Variants in SP4 observed in about 807,000 individuals in gnomAD.
SP4 encodes the protein Sp4 transcription factor.
In SP4, 19 loss-of-function variants were observed where a neutral mutation model predicts 72.8. The ratio of observed to expected loss-of-function variants is 0.26; its 90% CI spans 0.18 to 0.38. The LOEUF is 0.38. Ranked by LOEUF, SP4 falls within the 10% of genes least tolerant of loss-of-function variation. The pLI is 1.00. For synonymous variants in SP4, 395 were observed against 333.1 expected (o/e 1.19, Z -2.02); for missense variants, 1,008 against 926.3 (o/e 1.09, Z -1.14).
intron 5 of SP4, chr7:21,482,838 A>G (rs1486059330): frequency 1.0e-5 from 8 of 775,554 alleles, no homozygotes; most frequent in South Asian, 5.8e-5. Context: ...GTATATTTGC[A>G]TATATGAATT....
Position 21,428,192 on chromosome 7 carries a change from C to CCCCCCCCCCCCCCCCCCCT in SP4, c.-59_-58insCCCCCCCCCCCCCCCCCTC. ...ACCGGCCTCTCCTCCCGCCTCGCCC[C>CCCCCCCCCCCCCCCCCCCT]CACCCCCACCCACCTCTATCCCAGT... On this transcript the variant is annotated 5_prime_UTR_variant, in exon 1 of 6. Transcript: ENST00000222584. 1.3e-6 allele frequency: 1 copy of CCCCCCCCCCCCCCCCCCCT among 790,568 alleles called. No individual in the cohort carries two copies. The highest frequency in any genetic ancestry group is 2.0e-6 in the Non-Finnish European group (1 of 489,278). The allele number at this position is 790,568 out of a possible 1,614,324, so 49.0% of individuals were successfully genotyped here. A position where few individuals can be genotyped will look rare whatever the true frequency, so the allele number is the denominator to read the frequency against.
At chr7:21,471,302 T>G (rs1305876650) in intron 3 of SP4, among the ~76,000 whole-genome samples, 1 of 152,098 alleles carries the variant, frequency 6.6e-6, no homozygotes, top group Non-Finnish European at 1.5e-5. Flanking sequence ...GCAAAACTGG[T>G]GATAAGGGCT....
intron 5 of SP4, among the ~76,000 whole-genome samples, chr7:21,493,998 T>A (rs1182422460): frequency 6.6e-6 from 1 of 152,150 alleles, no homozygotes; most frequent in Non-Finnish European, 1.5e-5. Flanking sequence ...TTTGAATATT[T>A]GAAAAAGTCA....
intron 5 of SP4, among the ~76,000 whole-genome samples, chr7:21,488,270 G>A (rs1351168185): frequency 6.6e-6 from 1 of 152,016 alleles, no homozygotes; most frequent in Non-Finnish European, 1.5e-5. Context: ...GTTTTTTTAA[G>A]ATACAAATCT....
rs2128418354 is a variant in SP4, at chr7:21,512,641, A to G, written c.*1372A>G. ...CAATGGCACGATCTCAGCTTACTGC[A>G]ACCGCCGCCTCCCAGGTTCAAGCGA... On this transcript the variant is annotated 3_prime_UTR_variant, in exon 6 of 6. Transcript: ENST00000222584. 6.7e-6 allele frequency: 1 copy of G among 149,648 alleles called. No individual in the cohort carries two copies. The highest frequency in any genetic ancestry group is 2.5e-5 in the African/African-American group (1 of 40,554). The allele number at this position is 149,648 out of a possible 1,614,324, so 9.3% of individuals were successfully genotyped here.
At chr7:21,497,186 CAG>C (rs1781732887) in intron 5 of SP4, among the ~76,000 whole-genome samples, 1 of 152,210 alleles carries the variant, frequency 6.6e-6, no homozygotes, top group African/African-American at 2.4e-5. Flanking sequence ...GGCTACTTCA[CAG>C]AGTCAGATTA....
chr7:21,464,339 G>T (rs919777374), intron 3 of SP4, among the ~76,000 whole-genome samples: 1 of 151,704 alleles, frequency 6.6e-6, no homozygotes, highest in Non-Finnish European at 1.5e-5. Context: ...CTCATGATCC[G>T]CCCACCTCGG....
At chr7:21,501,822 G>T (rs569005907) in intron 5 of SP4, among the ~76,000 whole-genome samples, 6 of 152,166 alleles carry the variant, frequency 3.9e-5, no homozygotes, top group Non-Finnish European at 8.8e-5. Context: ...TTTTCTGCTA[G>T]TATCATGTCT....
At chr7:21,434,507 A>T (rs1782982172) in intron 3 of SP4, among the ~76,000 whole-genome samples, 1 of 152,222 alleles carries the variant, frequency 6.6e-6, no homozygotes, top group African/African-American at 2.4e-5. Context: ...CTTCATGCTA[A>T]GCATTAGTTA....
intron 5 of SP4, among the ~76,000 whole-genome samples, chr7:21,491,527 A>C (rs1168199117): frequency 6.6e-6 from 1 of 152,180 alleles, no homozygotes; most frequent in Non-Finnish European, 1.5e-5. Context: ...GGGACTTCCC[A>C]TGTTAGGTAT....
intron 3 of SP4, among the ~76,000 whole-genome samples, chr7:21,436,541 C>G (rs999490145): frequency 6.6e-6 from 1 of 152,016 alleles, no homozygotes; most frequent in Non-Finnish European, 1.5e-5. Context: ...AAATATGGGT[C>G]GAAGATTCTG....
chr7:21,478,721 A>G (rs1784589079), intron 4 of SP4, among the ~76,000 whole-genome samples: 1 of 152,110 alleles, frequency 6.6e-6, no homozygotes, highest in African/African-American at 2.4e-5. Flanking sequence ...TCATTATGGA[A>G]TTGTCTCTTT....
intron 5 of SP4, among the ~76,000 whole-genome samples, chr7:21,489,662 C>G (rs888573467): frequency 6.6e-6 from 1 of 150,386 alleles, no homozygotes; most frequent in Admixed American, 6.7e-5. Context: ...TGGGTTCATG[C>G]CATTCTCCTG....
intron 5 of SP4, among the ~76,000 whole-genome samples, chr7:21,490,383 G>A (rs1048105199): frequency 6.6e-6 from 1 of 152,162 alleles, no homozygotes; most frequent in Non-Finnish European, 1.5e-5. Flanking sequence ...TGAAATAGTA[G>A]CAGCTTAGGC....
intron 3 of SP4, among the ~76,000 whole-genome samples, chr7:21,461,462 C>T (rs1034420762): frequency 7.2e-5 from 11 of 152,320 alleles, no homozygotes; most frequent in East Asian, 1.9e-4. Context: ...GCGCATCCTC[C>T]GCAGCTGCTG....
chr7:21,472,156 G>C (rs1784363730), intron 3 of SP4, among the ~76,000 whole-genome samples: 1 of 152,154 alleles, frequency 6.6e-6, no homozygotes, highest in African/African-American at 2.4e-5. Flanking sequence ...GAGTTAATCA[G>C]CTTACACATA....
chr7:21,492,386 C>G (rs1785002204), intron 5 of SP4, among the ~76,000 whole-genome samples: 1 of 152,164 alleles, frequency 6.6e-6, no homozygotes, highest in Non-Finnish European at 1.5e-5. Context: ...CTCTAATTCA[C>G]AGCGCTCCAA....
At chr7:21,464,039 A>T (rs1784082993) in intron 3 of SP4, among the ~76,000 whole-genome samples, 1 of 151,660 alleles carries the variant, frequency 6.6e-6, no homozygotes, top group Middle Eastern at 3.4e-3. Context: ...CACAGAAAAG[A>T]TTTCACTAAG....
intron 3 of SP4, among the ~76,000 whole-genome samples, chr7:21,440,972 A>G (rs996139371): frequency 4.6e-5 from 7 of 152,230 alleles, no homozygotes; most frequent in Non-Finnish European, 8.8e-5. Context: ...TGAAGATACT[A>G]ACTAAACCTG....
Sources: allele counts gnomAD v4.1 joint callset (sites outside exome capture counted in the v4.1 genomes callset), GRCh38; gene constraint gnomAD v4.1.1; transcripts MANE v1.5; gene names NCBI Gene and HGNC (gene_info 2026-07-23, HGNC 2026-07-21).